Variants in MCTP1 observed in about 807,000 individuals in gnomAD.
MCTP1 encodes multiple C2 and transmembrane domain containing 1.
In MCTP1, 69 loss-of-function variants were observed where a neutral mutation model predicts 120.6. The observed-to-expected ratio is 0.57, with a 90% confidence interval of 0.47 to 0.70. The LOEUF (loss-of-function observed/expected upper bound fraction) is 0.70, where lower values mean the gene tolerates loss of function less well. Among genes scored for constraint, MCTP1 ranks in the 30% least tolerant of loss-of-function variants. The pLI, the probability that MCTP1 is intolerant of heterozygous loss-of-function variation, is 0.00. For synonymous variants in MCTP1, 529 were observed against 493.1 expected, an observed-to-expected ratio of 1.07 and a Z score of -0.96; for missense variants, 1,203 against 1,248.8, an observed-to-expected ratio of 0.96 and a Z score of 0.55.
chr5:94,938,780 T>C (rs1365227882), intron 5 of MCTP1, among the ~76,000 whole-genome samples: 1 of 152,100 alleles, frequency 6.6e-6, no homozygotes, highest in Non-Finnish European at 1.5e-5. Flanking sequence ...TTGATTCTTA[T>C]GTATGGATTA....
In MCTP1 at chr5:95,284,670, C is replaced by A; in HGVS notation, c.-95G>T. 1 of 1,124,394 alleles carries A rather than the reference C, an allele frequency of 8.9e-7. No homozygotes were observed. The allele number at this position is 1,124,394 out of a possible 1,614,324, so 69.7% of individuals were successfully genotyped here. ...TGCACCTCCTCCCGGGTCCCCGCGG[C>A]GCTGGCGGTGGCGGCGGCGGCGGCG... On this transcript the variant is annotated 5_prime_UTR_variant, in exon 1 of 23. Transcript: ENST00000515393. The surrounding 1 kb of genome is among the most constrained non-coding windows in gnomAD (Gnocchi z 5.2).
chr5:95,072,730 C>T (rs1752526980), intron 1 of MCTP1, among the ~76,000 whole-genome samples: 1 of 145,022 alleles, frequency 6.9e-6, no homozygotes, highest in Admixed American at 7.0e-5. Flanking sequence ...TTGGACTCTG[C>T]TTAGCAACTA....
At chr5:94,910,779 T>G (rs891641201) in intron 9 of MCTP1, among the ~76,000 whole-genome samples, 1 of 140,430 alleles carries the variant, frequency 7.1e-6, no homozygotes, top group Non-Finnish European at 1.5e-5. Context: ...ATTTTTGGAA[T>G]CAGTAGCTAC....
chr5:94,784,495 C>T (rs751275477), intron 18 of MCTP1, among the ~76,000 whole-genome samples: 6 of 152,042 alleles, frequency 3.9e-5, no homozygotes, highest in African/African-American at 7.2e-5. Flanking sequence ...AGGACACCTA[C>T]TTCTCACAAG....
At chr5:95,235,975 C>T (rs1436036370) in intron 1 of MCTP1, among the ~76,000 whole-genome samples, 1 of 152,080 alleles carries the variant, frequency 6.6e-6, no homozygotes, top group Non-Finnish European at 1.5e-5. Flanking sequence ...AACTAATAAA[C>T]CTACTGAAGC....
chr5:94,869,816 G>A (rs369301831), intron 16 of MCTP1, among the ~76,000 whole-genome samples: 74 of 152,006 alleles, frequency 4.9e-4, no homozygotes, highest in East Asian at 4.7e-3. Flanking sequence ...TAGATATCAC[G>A]CTCAATTTAA....
At chr5:95,040,159 G>A (rs151167237) in intron 1 of MCTP1, among the ~76,000 whole-genome samples, 6 of 152,224 alleles carry the variant, frequency 3.9e-5, no homozygotes, top group Middle Eastern at 3.4e-3. Context: ...AAGAAGGCTG[G>A]GCATGATGGC....
intron 1 of MCTP1, among the ~76,000 whole-genome samples, chr5:95,059,550 C>T (rs34006518): frequency 0.076 from 11,529 of 151,952 alleles, 613 homozygotes; most frequent in East Asian, 0.23. Flanking sequence ...CACATGCACC[C>T]CTGAATCTAA....
intron 2 of MCTP1, among the ~76,000 whole-genome samples, chr5:95,013,105 G>T (rs1215297510): frequency 6.6e-6 from 1 of 152,078 alleles, no homozygotes; most frequent in Admixed American, 6.6e-5. Context: ...GAAAGTGGGT[G>T]GTCTGGATAG....
intron 1 of MCTP1, among the ~76,000 whole-genome samples, chr5:95,074,190 G>A (rs1393174087): frequency 6.6e-6 from 1 of 152,244 alleles, no homozygotes; most frequent in Admixed American, 6.5e-5. Context: ...TCAGGCGTAG[G>A]CCTGGGTACA....
At chr5:94,727,416 C>T (rs928208979) in intron 19 of MCTP1, among the ~76,000 whole-genome samples, 8 of 152,120 alleles carry the variant, frequency 5.3e-5, no homozygotes, top group Non-Finnish European at 1.2e-4. Context: ...ACCCATTTTT[C>T]AAACACTACT....
At chr5:94,918,034 A>G in intron 7 of MCTP1, 61 bp from the exon 8 acceptor site, 1 of 1,251,288 alleles carries the variant, frequency 8.0e-7, no homozygotes, top group Non-Finnish European at 1.2e-6. Flanking sequence ...TCAACCCCTC[A>G]TTTTGATCAG....
intron 19 of MCTP1, among the ~76,000 whole-genome samples, chr5:94,743,445 G>A (rs1452019558): frequency 2.0e-5 from 3 of 152,070 alleles, no homozygotes; most frequent in African/African-American, 7.2e-5. Flanking sequence ...AAGAGAGAAA[G>A]TGAAAAATGC....
At chr5:95,059,518 A>G (rs759089239) in intron 1 of MCTP1, among the ~76,000 whole-genome samples, 87 of 152,308 alleles carry the variant, frequency 5.7e-4, no homozygotes, top group Middle Eastern at 3.4e-3. Context: ...GCATTATGCA[A>G]TATACCCAAG....
intron 2 of MCTP1, among the ~76,000 whole-genome samples, chr5:94,982,973 C>T (rs958213491): frequency 1.4e-5 from 2 of 141,984 alleles, no homozygotes; most frequent in African/African-American, 5.1e-5. Context: ...GTTTTCTCTA[C>T]TTGATAGCAT....
intron 2 of MCTP1, among the ~76,000 whole-genome samples, chr5:94,958,508 G>A (rs1823269166): frequency 6.6e-6 from 1 of 152,052 alleles, no homozygotes; most frequent in African/African-American, 2.4e-5. Context: ...TAACAAAACA[G>A]ATAGACTGCT....
At chr5:94,993,458 T>C (rs1230672293) in intron 2 of MCTP1, among the ~76,000 whole-genome samples, 1 of 152,224 alleles carries the variant, frequency 6.6e-6, no homozygotes, top group East Asian at 1.9e-4. Context: ...TTTCTCTTCA[T>C]AGAGCCATGA....
intron 8 of MCTP1, among the ~76,000 whole-genome samples, chr5:94,913,648 T>C (rs1362718057): frequency 6.6e-6 from 1 of 152,188 alleles, no homozygotes; most frequent in Non-Finnish European, 1.5e-5. Flanking sequence ...CAAGTATGTT[T>C]CTGAATTTAT....
Position 94,987,247 on chromosome 5 carries a change from C to T in MCTP1, c.838+30120G>A, listed in dbSNP as rs534879775. Among the ~76,000 whole-genome samples the T allele has an allele frequency of 2.6e-5, 4 of 152,124 alleles. No individual in the cohort carries two copies. In the South Asian group the frequency reaches 8.3e-4, roughly 32 times the overall value. On this transcript the variant is annotated intron_variant, in intron 2 of 22. Coordinates refer to ENST00000515393, the MANE Select transcript of MCTP1 (RefSeq NM_024717.7). Reference sequence around the variant, plus strand: ...AGTAAGTCTTCATAATAATTTTATACTATATTTGATAGCTATAATAATTAA... The same window carrying T: ...AGTAAGTCTTCATAATAATTTTATATTATATTTGATAGCTATAATAATTAA...
Sources: gnomAD v4.1 joint callset for allele counts (sites outside exome capture counted in the v4.1 genomes callset) on GRCh38, gnomAD v4.1.1 for gene constraint, Gnocchi (gnomAD v3.1) non-coding constraint, MANE v1.5 for transcripts, NCBI Gene and HGNC (gene_info 2026-07-23, HGNC 2026-07-21) for gene names.